OR51B5: variants seen among roughly 807,000 people sequenced by gnomAD.
The protein encoded by OR51B5 is olfactory receptor 51B5.
For synonymous variants in OR51B5, 186 were observed against 144.8 expected (o/e 1.28, Z -2.04); for missense variants, 456 against 374.6 (o/e 1.22, Z -1.79).
At chr11:5,432,773 T>G (rs1294040649) in intron 1 of OR51B5, among the ~76,000 whole-genome samples, 2 of 152,126 alleles carry the variant, frequency 1.3e-5, no homozygotes, top group African/African-American at 4.8e-5. Flanking sequence ...TAAAAGTCAG[T>G]TTCTGCAGAG....
exon 1 of OR51B5, chr11:5,342,757 C>G: frequency 1.2e-6 from 2 of 1,613,666 alleles, no homozygotes; most frequent in East Asian, 4.5e-5. Flanking sequence ...GAATCAGAGA[C>G]AATCCAATCA....
intron 1 of OR51B5, chr11:5,422,999 G>C: frequency 6.2e-7 from 1 of 1,613,994 alleles, no homozygotes; most frequent in Non-Finnish European, 8.5e-7. Context: ...TCATCGCTTT[G>C]CCAAGCATGC....
chr11:5,455,386 A>G (rs1850936240), intron 1 of OR51B5: 1 of 150,442 alleles, frequency 6.6e-6, no homozygotes, highest in African/African-American at 2.4e-5. Flanking sequence ...GACAGACTAG[A>G]GCACTTATGG....
rs1330356527 is a variant in OR51B5 at position 5,471,653 on chromosome 11, TG to T, written n.84+33915del. Among the ~76,000 whole-genome samples, 368 of 148,116 alleles carry T rather than the reference TG, an allele frequency of 2.5e-3. 1 individual carries two copies. Among genetic ancestry groups the T allele is most frequent in the African/African-American group, 8.0e-3 (318 of 39,926 alleles). Reference sequence around the variant, plus strand: ...TCTGTCTCAAAAAAAAAAAAAAAATTGATCAAATAAAACATTTTATTAACAG... The same window carrying T: ...TCTGTCTCAAAAAAAAAAAAAAAATTATCAAATAAAACATTTTATTAACAG... On this transcript the variant is annotated intron_variant and non_coding_transcript_variant, in intron 1 of 4. Transcript: ENST00000415970.
intron 1 of OR51B5, among the ~76,000 whole-genome samples, chr11:5,462,172 G>A (rs562262281): frequency 1.3e-4 from 20 of 152,304 alleles, no homozygotes. Context: ...GTCCTCCAGG[G>A]CCAGTGCTGG....
chr11:5,440,435 A>G lies in OR51B5; in HGVS notation n.84+65134T>C, dbSNP rs1850660299. Reference sequence around the variant, plus strand: ...TAAATATGTATGCCATTTTATAGTCAAATATTATTTTATTAGTGATACATT... The same window carrying G: ...TAAATATGTATGCCATTTTATAGTCGAATATTATTTTATTAGTGATACATT... On this transcript the variant is annotated intron_variant and non_coding_transcript_variant, in intron 1 of 4. Coordinates refer to the OR51B5 transcript ENST00000415970. 3 of 608,830 alleles carry G rather than the reference A, an allele frequency of 4.9e-6. No homozygotes were observed. In the Admixed American group the frequency reaches 8.8e-5, roughly 18 times the overall value. The allele number at this position is 608,830 out of a possible 1,614,324, so 37.7% of individuals were successfully genotyped here. A position where few individuals can be genotyped will look rare whatever the true frequency, so the allele number is the denominator to read the frequency against.
intron 1 of OR51B5, among the ~76,000 whole-genome samples, chr11:5,398,749 A>C (rs2133738425): frequency 6.6e-6 from 1 of 152,186 alleles, no homozygotes; most frequent in South Asian, 2.1e-4. Context: ...TTTATAAGGC[A>C]GTTTTCCCTC....
chr11:5,403,876 T>C (rs941744493), intron 1 of OR51B5, among the ~76,000 whole-genome samples: 2 of 151,928 alleles, frequency 1.3e-5, no homozygotes, highest in Non-Finnish European at 2.9e-5. Context: ...GAAGGTGTAA[T>C]GGGAAATCTA....
intron 1 of OR51B5, among the ~76,000 whole-genome samples, chr11:5,358,995 A>C (rs1849237290): frequency 6.6e-6 from 1 of 152,002 alleles, no homozygotes; most frequent in African/African-American, 2.4e-5. Context: ...GACGTATCTC[A>C]AAATAATAAG....
At chr11:5,344,707 C>T (rs1207641011), upstream of OR51B5, among the ~76,000 whole-genome samples, 2 of 152,056 alleles carry the variant, frequency 1.3e-5, no homozygotes, top group African/African-American at 4.8e-5. Flanking sequence ...TTTGTGAACA[C>T]GCATCATGTG....
chr11:5,497,563 T>C (rs1022861101), intron 1 of OR51B5, among the ~76,000 whole-genome samples: 1 of 152,156 alleles, frequency 6.6e-6, no homozygotes, highest in Non-Finnish European at 1.5e-5. Flanking sequence ...TCTCCTCAGG[T>C]AAGCATTCAA....
chr11:5,402,309 C>T (rs1849983281), intron 1 of OR51B5, among the ~76,000 whole-genome samples: 1 of 152,196 alleles, frequency 6.6e-6, no homozygotes, highest in African/African-American at 2.4e-5. Context: ...GCCACTGCAC[C>T]TGATCAGACA....
In OR51B5 at chr11:5,357,994, G is replaced by C. The variant is rs1313088235; in HGVS notation, n.85-11084C>G. Among the ~76,000 whole-genome samples, 8 of 152,036 alleles carry C rather than the reference G, an allele frequency of 5.3e-5. No homozygotes were observed. The East Asian group carries it at 1.3e-3, about 26-fold the overall frequency. On this transcript the variant is annotated intron_variant and non_coding_transcript_variant, in intron 1 of 4. Coordinates refer to the OR51B5 transcript ENST00000415970. ...ATCTCTGGGACACATTCAAAGCAGTGTGTAGAGGGAAATTTATAGCACTAA... is the reference window on the plus strand; with the variant it reads ...ATCTCTGGGACACATTCAAAGCAGTCTGTAGAGGGAAATTTATAGCACTAA...
Position 5,423,402 on chromosome 11 carries a change from A to G in OR51B5, n.85-76492T>C, listed in dbSNP as rs1194924420. Among the ~76,000 whole-genome samples, 4 of 152,182 alleles carry G rather than the reference A, an allele frequency of 2.6e-5. No homozygotes were observed. The East Asian group carries it at 5.8e-4, about 22-fold the overall frequency. The stretch of plus-strand genomic sequence containing the variant: ...CAGCTATCCCAACGGGAGGATTTTA[A>G]TGGATTGAGTAAAGTTCTCTCGAAG... On this transcript the variant is annotated intron_variant and non_coding_transcript_variant, in intron 1 of 4. Transcript: ENST00000415970.
chr11:5,372,151 T>TGTATATGATA (rs1384579677), intron 1 of OR51B5, among the ~76,000 whole-genome samples: 4 of 152,210 alleles, frequency 2.6e-5, no homozygotes, highest in African/African-American at 9.6e-5. Context: ...TCACAATGTC[T>TGTATATGATA]TTATCTGTTC....
At chr11:5,389,776 G>A (rs532842246) in intron 1 of OR51B5, 8 of 1,613,992 alleles carry the variant, frequency 5.0e-6, no homozygotes, top group Admixed American at 3.3e-5. Context: ...AGTCCTCAGT[G>A]CTCCTCATGA....
At chr11:5,493,008 A>G (rs1851601513) in intron 1 of OR51B5, among the ~76,000 whole-genome samples, 1 of 152,164 alleles carries the variant, frequency 6.6e-6, no homozygotes, top group Admixed American at 6.5e-5. Flanking sequence ...CATGTTTAAC[A>G]TCAGTCTGAT....
intron 1 of OR51B5, among the ~76,000 whole-genome samples, chr11:5,353,080 G>A (rs975578961): frequency 6.6e-6 from 1 of 151,792 alleles, no homozygotes; most frequent in South Asian, 2.1e-4. Context: ...GGAGCTGGCT[G>A]CTGTTTCTAG....
chr11:5,377,424 T>C (rs574774535), intron 1 of OR51B5, among the ~76,000 whole-genome samples: 306 of 151,516 alleles, frequency 2.0e-3, no homozygotes, highest in African/African-American at 6.9e-3. Context: ...CCTCTCTCAC[T>C]ACTCCTATTC....
Sources: gnomAD v4.1 joint callset for allele counts (sites outside exome capture counted in the v4.1 genomes callset) on GRCh38, gnomAD v4.1.1 for gene constraint, MANE v1.5 for transcripts, NCBI Gene and HGNC (gene_info 2026-07-23, HGNC 2026-07-21) for gene names.